Variants in FAM89A observed in about 807,000 individuals in gnomAD.
The protein encoded by FAM89A is family with sequence similarity 89 member A, also known as protein FAM89A.
FAM89A carries 10 observed loss-of-function variants against 7.1 expected under a neutral mutation model. That is an observed-to-expected ratio of 1.40 (90% CI 0.86 to 2.38). The LOEUF (loss-of-function observed/expected upper bound fraction) is 2.38, where lower values mean the gene tolerates loss of function less well. Among genes scored for constraint, FAM89A ranks in the 30% most tolerant of loss-of-function variants. The pLI, the probability that FAM89A is intolerant of heterozygous loss-of-function variation, is 0.00. For missense variants in FAM89A, 276 were observed against 262.8 expected, an observed-to-expected ratio of 1.05 and a Z score of -0.35; for synonymous variants, 157 against 129.3, an observed-to-expected ratio of 1.21 and a Z score of -1.45.
chr1:231,020,738 GACT>G (rs1679861682), intron 1 of FAM89A, among the ~76,000 whole-genome samples: 1 of 152,152 alleles, frequency 6.6e-6, no homozygotes. Flanking sequence ...CAGAGTAACT[GACT>G]GAATATGAGG....
At chr1:231,038,057 C>G (rs951690280) in intron 1 of FAM89A, among the ~76,000 whole-genome samples, 1 of 152,214 alleles carries the variant, frequency 6.6e-6, no homozygotes, top group African/African-American at 2.4e-5. Context: ...GTTGTCCACT[C>G]AGACCCCATG....
At chr1:231,020,290 CTTAA>C (rs1240854496) in intron 1 of FAM89A, among the ~76,000 whole-genome samples, 164 bp from the exon 2 acceptor site, 5 of 152,162 alleles carry the variant, frequency 3.3e-5, no homozygotes, top group Non-Finnish European at 5.9e-5. Context: ...TTGAGAACAC[CTTAA>C]TTGTGTTATG....
chr1:231,022,108 C>T, intron 1 of FAM89A: 1 of 1,341,396 alleles, frequency 7.5e-7, no homozygotes, highest in South Asian at 1.2e-5. Flanking sequence ...TCCGTGATTC[C>T]CTGAAGAACG....
Position 231,040,109 on chromosome 1 carries a change from G to A in FAM89A, c.103C>T (p.Leu35=), listed in dbSNP as rs1680236023. ...GCGCCGCCGCCCGACGCCGAGTGCA[G>A]CAGCCCGCTCAAGCTCTTTGGCAGC... ...PPLPKSLSGL[L]HSASGGGASG... The change falls in exon 1 of 2, where the codon CTG becomes TTG. Residue 35 remains leucine, a synonymous_variant. Coordinates refer to ENST00000366654, the MANE Select transcript of FAM89A (RefSeq NM_198552.3). The A allele has an allele frequency of 7.0e-7, 1 of 1,424,018 alleles. No individual in the cohort carries two copies. 88.2% of individuals were successfully genotyped at this position (1,424,018 alleles called of 1,614,324 possible).
chr1:231,021,593 A>C, intron 1 of FAM89A: 1 of 1,390,352 alleles, frequency 7.2e-7, no homozygotes, highest in Non-Finnish European at 1.0e-6. Context: ...TAGGAAACGA[A>C]AGGCACCAAA....
chr1:231,040,059 C>G lies in FAM89A; in HGVS notation c.153G>C (p.Glu51Asp). The G allele has an allele frequency of 1.4e-6, 2 of 1,448,360 alleles. No individual in the cohort carries two copies. Among genetic ancestry groups the G allele is most frequent in the South Asian group, 1.4e-5 (1 of 73,620 alleles). The allele number at this position is 1,448,360 out of a possible 1,614,324, so 89.7% of individuals were successfully genotyped here. A position where few individuals can be genotyped will look rare whatever the true frequency, so the allele number is the denominator to read the frequency against. The change falls in exon 1 of 2, where the codon GAG (glutamate) becomes GAC (aspartate). Residue 51 changes from glutamate to aspartate, a missense_variant. Physicochemically the swap from Glu to Asp is conservative, Grantham distance 45. Coordinates refer to ENST00000366654, the MANE Select transcript of FAM89A (RefSeq NM_198552.3). ...TGCGCGACTTCTGCGCGTACAGCCG[C>G]TCCAGGTGCCGCCAGCCCCCAGACG... is the stretch of plus-strand genomic sequence containing the variant. Reference protein sequence around the residue: ...GGASGGWRHLERLYAQKSRIQ... With the variant: ...GGASGGWRHLDRLYAQKSRIQ...
At position 231,020,202 on chromosome 1, in the gene FAM89A, C is replaced by T. The variant is rs371186735; in HGVS notation, c.292-76G>A. 1.8e-5 allele frequency: 26 copies of T among 1,413,640 alleles called. No individual in the cohort carries two copies. In the Admixed American group the frequency reaches 3.9e-4, roughly 21 times the overall value. The allele number at this position is 1,413,640 out of a possible 1,614,324, so 87.6% of individuals were successfully genotyped here. ...TAATTTCAGTGGAACACTCAGCCGG[C>T]GATCTGCGCCTGCCAGCACATTCCT... On this transcript the variant is annotated intron_variant, in intron 1 of 1. Transcript: ENST00000366654.
intron 1 of FAM89A, among the ~76,000 whole-genome samples, chr1:231,039,650 A>T (rs1680221999): frequency 6.6e-6 from 1 of 152,110 alleles, no homozygotes; most frequent in Non-Finnish European, 1.5e-5. Context: ...CCGGGCGCCC[A>T]GGTTTCCGAG....
rs116379773 is a variant in FAM89A at position 231,029,945 on chromosome 1, A to G, written c.292-9819T>C. 6.6e-3 allele frequency among the ~76,000 whole-genome samples: 1,007 copies of G among 152,342 alleles called. 18 individuals are homozygous for G. The highest frequency in any genetic ancestry group is 0.023 in the African/African-American group (953 of 41,576). The stretch of plus-strand genomic sequence containing the variant: ...TATAACCTGATTTCTGATAAAAGAT[A>G]TGTTGACTGAAGGATGCTGCCCTGC... On this transcript the variant is annotated intron_variant, in intron 1 of 1. Transcript: ENST00000366654.
intron 1 of FAM89A, among the ~76,000 whole-genome samples, chr1:231,036,255 A>G (rs1279863450): frequency 6.6e-6 from 1 of 152,208 alleles, no homozygotes; most frequent in Non-Finnish European, 1.5e-5. Context: ...AGTCTAAACT[A>G]AAGCAATTCT....
At chr1:231,033,179 T>C (rs950726899) in intron 1 of FAM89A, among the ~76,000 whole-genome samples, 1 of 152,058 alleles carries the variant, frequency 6.6e-6, no homozygotes, top group African/African-American at 2.4e-5. Flanking sequence ...TTCCAAACAT[T>C]AGGAACACGT....
At chr1:231,032,366 A>G (rs12142198) in intron 1 of FAM89A, among the ~76,000 whole-genome samples, 40,303 of 100,094 alleles carry the variant, frequency 0.4, 6,421 homozygotes, top group African/African-American at 0.46. Flanking sequence ...ACACCGCCCC[A>G]CCCCACCCCG....
intron 1 of FAM89A, among the ~76,000 whole-genome samples, chr1:231,038,915 G>T (rs1453808482): frequency 6.6e-6 from 1 of 152,188 alleles, no homozygotes; most frequent in African/African-American, 2.4e-5. Flanking sequence ...CCTAATGTTA[G>T]ATTTCTTAAC....
In FAM89A at chr1:231,040,219, C is replaced by G. The variant is rs920601549; in HGVS notation, c.-8G>C. The G allele has an allele frequency of 1.1e-5, 12 of 1,052,420 alleles. No individual in the cohort carries two copies. Among genetic ancestry groups the G allele is most frequent in the Admixed American group, 5.5e-5 (1 of 18,322 alleles). 65.2% of individuals were successfully genotyped at this position (1,052,420 alleles called of 1,614,324 possible). On this transcript the variant is annotated 5_prime_UTR_variant, in exon 1 of 2. Coordinates refer to ENST00000366654, the MANE Select transcript of FAM89A (RefSeq NM_198552.3). ...CGCCCGGGCCCCACTCATCGCGCCGCGGCCCGGCCACGCGCCTGCCCCGCT... is the reference window on the plus strand; with the variant it reads ...CGCCCGGGCCCCACTCATCGCGCCGGGGCCCGGCCACGCGCCTGCCCCGCT...
intron 1 of FAM89A, 122 bp downstream of exon 1, chr1:231,039,799 G>C: frequency 3.9e-6 from 4 of 1,017,838 alleles, no homozygotes; most frequent in Non-Finnish European, 5.1e-6. Flanking sequence ...CGGCGCCTGG[G>C]GCGGAGGAGC....
chr1:231,030,542 G>GAAAAGC (rs1314015962), intron 1 of FAM89A, among the ~76,000 whole-genome samples: 2 of 152,154 alleles, frequency 1.3e-5, no homozygotes, highest in Non-Finnish European at 2.9e-5. Context: ...TATAGATGAA[G>GAAAAGC]AAAAGCAATT....
intron 1 of FAM89A, among the ~76,000 whole-genome samples, chr1:231,032,300 C>T (rs1188809056): frequency 2.0e-5 from 3 of 151,978 alleles, no homozygotes; most frequent in African/African-American, 7.2e-5. Flanking sequence ...AAGACAGGCA[C>T]ATATTCAATT....
chr1:231,019,927 G>C lies in FAM89A; in HGVS notation c.491C>G (p.Pro164Arg). ...GGAGACAGGCAGTGACAAGTCCCGA[G>C]GAGGGCCTCGGTCCCTCCTGTCGTG... The part of the protein sequence containing the change: ...SLHDRRDRGP[P>R]RDLSLPVSSL... The change falls in exon 2 of 2, where the codon CCT becomes CGT. Residue 164 changes from proline to arginine, a missense_variant. Transcript: ENST00000366654. 6.2e-7 allele frequency: 1 copy of C among 1,614,192 alleles called. No homozygotes were observed. Among genetic ancestry groups the C allele is most frequent in the Non-Finnish European group, 8.5e-7 (1 of 1,180,038 alleles).
Position 231,019,824 on chromosome 1 carries a change from G to C in FAM89A, c.*39C>G, listed in dbSNP as rs753505587. 3.8e-6 allele frequency: 6 copies of C among 1,594,978 alleles called. No homozygotes were observed. The Admixed American group carries it at 6.8e-5, about 18-fold the overall frequency. On this transcript the variant is annotated 3_prime_UTR_variant, in exon 2 of 2. Coordinates refer to ENST00000366654, the MANE Select transcript of FAM89A (RefSeq NM_198552.3). ...GCAAATGATGACAGCGTGTCCAGTA[G>C]GAAGGGCTTCCCAACAGTCACATCC...
Sources: allele counts gnomAD v4.1 joint callset (sites outside exome capture counted in the v4.1 genomes callset), GRCh38; gene constraint gnomAD v4.1.1; transcripts MANE v1.5; gene names NCBI Gene and HGNC (gene_info 2026-07-23, HGNC 2026-07-21).